ANO3: variants seen among roughly 807,000 people sequenced by gnomAD.
ANO3 encodes the protein anoctamin 3.
Under a neutral mutation model 144.8 loss-of-function variants are expected in ANO3, and 99 were observed. The observed-to-expected ratio is 0.68, with a 90% confidence interval of 0.58 to 0.81. The LOEUF is 0.81. ANO3 is among the 30% of genes least tolerant of loss of function. The pLI is 0.00. For missense variants in ANO3, 905 were observed against 1,202.2 expected (o/e 0.75, Z 3.66); for synonymous variants, 414 against 392.6 (o/e 1.05, Z -0.64).
At position 26,663,020 on chromosome 11, in the gene ANO3, G is replaced by A. The variant is rs770307310; in HGVS notation, c.*2576G>A. 6.6e-6 allele frequency: 1 copy of A among 152,364 alleles called. No individual in the cohort carries two copies. The highest frequency in any genetic ancestry group is 1.5e-5 in the Non-Finnish European group (1 of 67,968). 9.4% of individuals were successfully genotyped at this position (152,364 alleles called of 1,614,324 possible). On this transcript the variant is annotated 3_prime_UTR_variant, in exon 27 of 27. Transcript: ENST00000256737. ...TTTCAAGCAAATAACTAATATATATGTGCATGCAGTCTGCCTTGACAAGTT... is the reference window on the plus strand; with the variant it reads ...TTTCAAGCAAATAACTAATATATATATGCATGCAGTCTGCCTTGACAAGTT...
chr11:26,529,107 T>A (rs1286653802), intron 7 of ANO3, among the ~76,000 whole-genome samples: 1 of 5,254 alleles, frequency 1.9e-4, no homozygotes, highest in South Asian at 0.062. Context: ...ATTATATATA[T>A]TATTAATAAT....
chr11:26,516,905 C>A lies in ANO3; in HGVS notation c.670C>A (p.Leu224Met). Residue 224 changes from leucine (L) to methionine (M), a missense_variant, in exon 6 of 27, where the codon CTG becomes ATG. Physicochemically the swap from Leu to Met is conservative, Grantham distance 15. Transcript: ENST00000256737. ...WDTLCKYAER[L>M]NIRMPFRKKC... ...CACGCTGTGCAAGTATGCAGAGAGGCTGAATATCAGGATGCCCTTCAGGTA... is the reference window on the plus strand; with the variant it reads ...CACGCTGTGCAAGTATGCAGAGAGGATGAATATCAGGATGCCCTTCAGGTA... 6.2e-7 allele frequency: 1 copy of A among 1,608,566 alleles called. No individual in the cohort carries two copies. Among genetic ancestry groups the A allele is most frequent in the Non-Finnish European group, 8.5e-7 (1 of 1,175,996 alleles).
At chr11:26,292,763 C>T (rs11820185) in intron 1 of ANO3, among the ~76,000 whole-genome samples, 6,615 of 152,270 alleles carry the variant, frequency 0.043, 482 homozygotes, top group African/African-American at 0.15. Context: ...TATTGCACAA[C>T]AGCAAAGGTT....
At chr11:26,400,615 A>AT (rs1421981883) in intron 1 of ANO3, among the ~76,000 whole-genome samples, 1 of 151,654 alleles carries the variant, frequency 6.6e-6, no homozygotes, top group Non-Finnish European at 1.5e-5. Context: ...TGTCTTTAAT[A>AT]TTTTTTCTTT....
chr11:26,280,576 C>G lies in ANO3; in HGVS notation c.155-29069C>G, dbSNP rs536842289. Among the ~76,000 whole-genome samples, 10 of 152,318 alleles carry G rather than the reference C, an allele frequency of 6.6e-5. No homozygotes were observed. The East Asian group carries it at 1.9e-3, about 29-fold the overall frequency. On this transcript the variant is annotated intron_variant, in intron 1 of 27. Transcript: ENST00000672621. ...TCTGCCTGCTTTTATTCTGGCCACA[C>G]TGGCAGCTGATTTGATGGTTCCCAC...
chr11:26,271,053 C>T (rs1188517297), intron 1 of ANO3, among the ~76,000 whole-genome samples: 6 of 152,262 alleles, frequency 3.9e-5, no homozygotes, highest in Non-Finnish European at 7.3e-5. Context: ...GGGACCAGAT[C>T]TTGGAGGGAT....
intron 6 of ANO3, among the ~76,000 whole-genome samples, chr11:26,523,800 A>G (rs973829604): frequency 6.6e-6 from 1 of 152,224 alleles, no homozygotes; most frequent in Admixed American, 6.5e-5. Flanking sequence ...AGAAATATTC[A>G]GACTACCATC....
chr11:26,491,568 G>C (rs1003527050), intron 4 of ANO3, among the ~76,000 whole-genome samples: 1 of 152,176 alleles, frequency 6.6e-6, no homozygotes, highest in Non-Finnish European at 1.5e-5. Context: ...GAAGCAGCGT[G>C]TTAGAGGGCT....
chr11:26,356,565 A>G (rs991195220), intron 1 of ANO3, among the ~76,000 whole-genome samples: 5 of 152,190 alleles, frequency 3.3e-5, no homozygotes, highest in Non-Finnish European at 4.4e-5. Context: ...TGTTGTATAT[A>G]TGAATTGCTC....
intron 1 of ANO3, among the ~76,000 whole-genome samples, chr11:26,340,312 G>A (rs1366267383): frequency 6.6e-6 from 1 of 152,168 alleles, no homozygotes; most frequent in African/African-American, 2.4e-5. Flanking sequence ...ATTTGGGAGG[G>A]TGGTGGTGGC....
intron 1 of ANO3, among the ~76,000 whole-genome samples, chr11:26,335,374 G>C (rs1855165883): frequency 6.6e-6 from 1 of 152,056 alleles, no homozygotes; most frequent in South Asian, 2.1e-4. Flanking sequence ...TGGACTCTTA[G>C]CAGTTCCCTT....
At chr11:26,531,128 T>TA in intron 7 of ANO3, 77 bp from the exon 8 acceptor site, 1 of 1,523,494 alleles carries the variant, frequency 6.6e-7, no homozygotes, top group East Asian at 2.3e-5. Flanking sequence ...CTTTAGTACT[T>TA]AAGTGAATTG....
At chr11:26,622,887 C>A (rs1043398248) in intron 17 of ANO3, among the ~76,000 whole-genome samples, 1 of 152,204 alleles carries the variant, frequency 6.6e-6, no homozygotes, top group Non-Finnish European at 1.5e-5. Context: ...TTTCAATCCC[C>A]ACAAAGGCAC....
intron 1 of ANO3, among the ~76,000 whole-genome samples, chr11:26,322,964 A>T (rs1854796626): frequency 6.6e-6 from 1 of 151,864 alleles, no homozygotes; most frequent in Non-Finnish European, 1.5e-5. Context: ...GGACTCATGG[A>T]TATATATTTT....
At chr11:26,354,958 C>T (rs1164092486) in intron 1 of ANO3, among the ~76,000 whole-genome samples, 1 of 150,980 alleles carries the variant, frequency 6.6e-6, no homozygotes, top group African/African-American at 2.4e-5. Context: ...AAGCAATTTA[C>T]TAAAGGCCTA....
At chr11:26,379,164 A>G (rs942386909) in intron 1 of ANO3, among the ~76,000 whole-genome samples, 1 of 152,162 alleles carries the variant, frequency 6.6e-6, no homozygotes, top group African/African-American at 2.4e-5. Context: ...CGAAGATTCT[A>G]AGGCAAGATG....
chr11:26,406,540 C>T (rs1857281500), intron 1 of ANO3, among the ~76,000 whole-genome samples: 1 of 151,760 alleles, frequency 6.6e-6, no homozygotes, highest in South Asian at 2.1e-4. Flanking sequence ...AGAAAGTTTG[C>T]AGTTCATATG....
chr11:26,395,060 T>G (rs986059), intron 1 of ANO3, among the ~76,000 whole-genome samples: 141,922 of 152,160 alleles, frequency 0.93, 66,347 homozygotes, highest in East Asian at 1. Flanking sequence ...AAATCTGCAA[T>G]CTTAAATAAA....
chr11:26,291,523 G>C (rs1247896583), intron 1 of ANO3, among the ~76,000 whole-genome samples: 1 of 152,124 alleles, frequency 6.6e-6, no homozygotes, highest in Non-Finnish European at 1.5e-5. Context: ...TTACATTTTG[G>C]CATGTTTTTG....
Sources: gnomAD v4.1 joint callset for allele counts (sites outside exome capture counted in the v4.1 genomes callset) on GRCh38, gnomAD v4.1.1 for gene constraint, MANE v1.5 for transcripts, NCBI Gene and HGNC (gene_info 2026-07-23, HGNC 2026-07-21) for gene names.